Variants in KIAA1328 observed in about 807,000 individuals in gnomAD.
The protein encoded by KIAA1328 is KIAA1328.
In KIAA1328, 52 loss-of-function variants were observed where a neutral mutation model predicts 68.1. The ratio of observed to expected loss-of-function variants is 0.76; its 90% CI spans 0.61 to 0.96. The LOEUF is 0.96. Among genes scored for constraint, KIAA1328 ranks in the 40% least tolerant of loss-of-function variants. KIAA1328 has a pLI of 0.00. For synonymous variants in KIAA1328, 232 were observed against 239.4 expected (o/e 0.97, Z 0.28); for missense variants, 641 against 677.6 (o/e 0.95, Z 0.60).
downstream of KIAA1328, chr18:37,229,651 G>T: frequency 1.2e-6 from 1 of 813,192 alleles, no homozygotes; most frequent in South Asian, 1.5e-5. Context: ...GAGGCAGCCG[G>T]ATCATGAGGT....
At chr18:36,830,209 G>A (rs1373342754) in intron 1 of KIAA1328, among the ~76,000 whole-genome samples, 3 of 152,132 alleles carry the variant, frequency 2.0e-5, no homozygotes, top group Admixed American at 2.0e-4. Context: ...GAGTTACTAG[G>A]ATTAGTGTCA....
At chr18:37,228,828 A>G (rs1054436169), downstream of KIAA1328, among the ~76,000 whole-genome samples, 42 of 152,056 alleles carry the variant, frequency 2.8e-4, no homozygotes, top group Admixed American at 2.8e-3. Context: ...TCAGAAAAAA[A>G]AAAGAAAAAA....
intron 6 of KIAA1328, among the ~76,000 whole-genome samples, chr18:36,991,966 C>T (rs895931554): frequency 6.6e-6 from 1 of 152,202 alleles, no homozygotes; most frequent in African/African-American, 2.4e-5. Context: ...CCATAACAGA[C>T]TCTCACAAAT....
intron 6 of KIAA1328, among the ~76,000 whole-genome samples, chr18:37,046,173 A>T (rs1208489410): frequency 1.3e-5 from 2 of 152,186 alleles, no homozygotes; most frequent in African/African-American, 4.8e-5. Flanking sequence ...TTTGTTTATA[A>T]TCTTCATGGA....
At chr18:37,057,510 C>T (rs914595008) in intron 6 of KIAA1328, among the ~76,000 whole-genome samples, 3 of 151,324 alleles carry the variant, frequency 2.0e-5, no homozygotes, top group Non-Finnish European at 4.4e-5. Context: ...TCACTGCAAG[C>T]TCCGCCTCCC....
chr18:37,141,836 T>A (rs1285997381), intron 7 of KIAA1328, among the ~76,000 whole-genome samples: 1 of 152,212 alleles, frequency 6.6e-6, no homozygotes, highest in Non-Finnish European at 1.5e-5. Context: ...CCTGATGATG[T>A]TTATTGGCCA....
chr18:37,141,173 ATT>A (rs2058756477), intron 7 of KIAA1328, among the ~76,000 whole-genome samples: 1 of 152,176 alleles, frequency 6.6e-6, no homozygotes, highest in Admixed American at 6.5e-5. Flanking sequence ...ATACTTGTGT[ATT>A]TAACACCAAA....
chr18:37,148,457 G>A (rs964321669), intron 7 of KIAA1328, among the ~76,000 whole-genome samples: 1 of 152,046 alleles, frequency 6.6e-6, no homozygotes, highest in Non-Finnish European at 1.5e-5. Context: ...TGTTATCTTT[G>A]TAATTCAATG....
intron 7 of KIAA1328, among the ~76,000 whole-genome samples, chr18:37,146,705 T>G (rs1423290087): frequency 6.6e-6 from 1 of 152,220 alleles, no homozygotes; most frequent in Non-Finnish European, 1.5e-5. Context: ...TGGTGATTTC[T>G]GTAGAGATTA....
intron 6 of KIAA1328, among the ~76,000 whole-genome samples, chr18:36,967,141 G>T (rs1003576625): frequency 6.6e-6 from 1 of 152,114 alleles, no homozygotes; most frequent in African/African-American, 2.4e-5. Flanking sequence ...ATCTTGGTAG[G>T]CCCGATCTAA....
intron 6 of KIAA1328, among the ~76,000 whole-genome samples, chr18:36,988,030 A>C (rs2053017722): frequency 6.6e-6 from 1 of 152,154 alleles, no homozygotes; most frequent in South Asian, 2.1e-4. Flanking sequence ...TTATCCTAAC[A>C]AATTGTATAT....
At chr18:37,134,202 A>G (rs2058590798) in intron 7 of KIAA1328, among the ~76,000 whole-genome samples, 1 of 151,820 alleles carries the variant, frequency 6.6e-6, no homozygotes, top group Non-Finnish European at 1.5e-5. Flanking sequence ...CAGTAGAGAC[A>G]AGGTTTCACC....
At chr18:37,203,277 G>GT (rs2060148752) in intron 9 of KIAA1328, among the ~76,000 whole-genome samples, 1 of 151,804 alleles carries the variant, frequency 6.6e-6, no homozygotes, top group African/African-American at 2.4e-5. Flanking sequence ...ACCTTTTATA[G>GT]TTTTTTCCAT....
intron 5 of KIAA1328, among the ~76,000 whole-genome samples, chr18:36,956,923 T>G (rs1316596127): frequency 6.6e-6 from 1 of 152,180 alleles, no homozygotes; most frequent in Non-Finnish European, 1.5e-5. Context: ...GTACCTTGAC[T>G]CTGAAAACCT....
chr18:37,151,330 T>G (rs1009666606), intron 7 of KIAA1328, among the ~76,000 whole-genome samples: 4 of 152,140 alleles, frequency 2.6e-5, no homozygotes, highest in Non-Finnish European at 5.9e-5. Flanking sequence ...GGTATTGTTA[T>G]AAATATCAAA....
chr18:37,037,393 A>G (rs1345635055), intron 6 of KIAA1328, among the ~76,000 whole-genome samples: 1 of 152,160 alleles, frequency 6.6e-6, no homozygotes. Context: ...ACCCTTCATT[A>G]TATAGCTTTA....
intron 6 of KIAA1328, among the ~76,000 whole-genome samples, chr18:37,032,011 GAAAC>G (rs1321270252): frequency 6.6e-6 from 1 of 151,700 alleles, no homozygotes; most frequent in Non-Finnish European, 1.5e-5. Flanking sequence ...TACAAAGAAA[GAAAC>G]AAAAAAACTA....
intron 4 of KIAA1328, among the ~76,000 whole-genome samples, chr18:36,866,301 C>G (rs2047749632): frequency 6.6e-6 from 1 of 152,072 alleles, no homozygotes; most frequent in Admixed American, 6.6e-5. Context: ...TATTAGACCA[C>G]CCCGATATGT....
intron 6 of KIAA1328, among the ~76,000 whole-genome samples, chr18:36,976,835 C>T (rs907967450): frequency 2.6e-5 from 4 of 152,104 alleles, no homozygotes; most frequent in African/African-American, 9.7e-5. Flanking sequence ...GTGGAGCAGT[C>T]AGATTAATTT....
Sources: gnomAD v4.1 joint callset for allele counts (sites outside exome capture counted in the v4.1 genomes callset) on GRCh38, gnomAD v4.1.1 for gene constraint, MANE v1.5 for transcripts, NCBI Gene and HGNC (gene_info 2026-07-23, HGNC 2026-07-21) for gene names.